HTR1E: variants seen among roughly 807,000 people sequenced by gnomAD.
HTR1E encodes the protein 5-hydroxytryptamine receptor 1E, also known as 5-HT-1E.
A neutral mutation model predicts 3.4 loss-of-function variants in HTR1E; 3 were observed. The ratio of observed to expected loss-of-function variants is 0.89; its 90% CI spans 0.41 to 2.31. The LOEUF (loss-of-function observed/expected upper bound fraction) is 2.31, where lower values mean the gene tolerates loss of function less well. Among genes scored for constraint, HTR1E ranks in the 30% most tolerant of loss-of-function variants. HTR1E has a pLI of 0.05. For synonymous variants in HTR1E, 170 were observed against 182.8 expected (o/e 0.93, Z 0.56); for missense variants, 392 against 467.0 (o/e 0.84, Z 1.48).
rs1184087761 is a variant in HTR1E at position 87,015,268 on chromosome 6, A to G, written c.-67A>G. 5.0e-6 allele frequency: 7 copies of G among 1,393,564 alleles called. No homozygotes were observed. The highest frequency in any genetic ancestry group is 1.4e-5 in the African/African-American group (1 of 69,488). 86.3% of individuals were successfully genotyped at this position (1,393,564 alleles called of 1,614,324 possible). ...TTACAAGTGAGAAACCTTCGAGGCT[A>G]CATAGTTTTCAGCCAAAGGAAAATA... On this transcript the variant is annotated 5_prime_UTR_variant, in exon 2 of 2. Coordinates refer to ENST00000305344, the MANE Select transcript of HTR1E (RefSeq NM_000865.3).
intron 1 of HTR1E, among the ~76,000 whole-genome samples, chr6:86,956,489 C>T (rs1354495237): frequency 6.6e-6 from 1 of 152,146 alleles, no homozygotes; most frequent in Non-Finnish European, 1.5e-5. Flanking sequence ...TTTAAATCCA[C>T]CTATAACTGG....
intron 1 of HTR1E, among the ~76,000 whole-genome samples, chr6:86,964,301 A>T (rs984711554): frequency 8.3e-5 from 9 of 108,254 alleles, no homozygotes; most frequent in Non-Finnish European, 1.7e-4. Context: ...AATTATCCTT[A>T]AAAATCCTAC....
At chr6:87,002,068 A>G (rs1768032201) in intron 1 of HTR1E, among the ~76,000 whole-genome samples, 1 of 152,226 alleles carries the variant, frequency 6.6e-6, no homozygotes. Flanking sequence ...GCAAGAGGAT[A>G]TAACAATTGT....
intron 1 of HTR1E, among the ~76,000 whole-genome samples, chr6:86,940,683 T>G (rs1768533794): frequency 1.3e-5 from 2 of 152,218 alleles, no homozygotes; most frequent in South Asian, 2.1e-4. Flanking sequence ...ATGTTTGTTT[T>G]GATTGCCCAC....
chr6:86,938,202 T>C (rs1343569003), intron 1 of HTR1E, among the ~76,000 whole-genome samples: 1 of 150,856 alleles, frequency 6.6e-6, no homozygotes, highest in Non-Finnish European at 1.5e-5. Flanking sequence ...CACAGGGAGG[T>C]GGTGTGCTCC....
intron 1 of HTR1E, among the ~76,000 whole-genome samples, chr6:87,000,731 G>T (rs1768009740): frequency 2.6e-5 from 4 of 152,206 alleles, no homozygotes; most frequent in Admixed American, 6.5e-5. Flanking sequence ...CACCAGACCT[G>T]TCCTGCAAGA....
intron 1 of HTR1E, among the ~76,000 whole-genome samples, chr6:86,964,329 C>T (rs1167119941): frequency 1.3e-5 from 2 of 152,136 alleles, no homozygotes; most frequent in African/African-American, 4.8e-5. Flanking sequence ...TCATAAAGTA[C>T]TAAGTGCATG....
At chr6:86,981,326 A>T (rs1334751708) in intron 1 of HTR1E, among the ~76,000 whole-genome samples, 2 of 152,238 alleles carry the variant, frequency 1.3e-5, no homozygotes, top group Non-Finnish European at 2.9e-5. Context: ...GCAACAGATG[A>T]CATTAAAATA....
chr6:86,963,976 TG>T (rs1767441185), intron 1 of HTR1E, among the ~76,000 whole-genome samples: 1 of 152,172 alleles, frequency 6.6e-6, no homozygotes, highest in Admixed American at 6.6e-5. Context: ...AAAGCCCCCA[TG>T]GTCTTAGGGG....
At chr6:86,972,281 A>G (rs530381197) in intron 1 of HTR1E, among the ~76,000 whole-genome samples, 1 of 152,148 alleles carries the variant, frequency 6.6e-6, no homozygotes, top group African/African-American at 2.4e-5. Flanking sequence ...TTCTTTATGC[A>G]TTTTTTCATC....
intron 1 of HTR1E, among the ~76,000 whole-genome samples, chr6:86,950,317 A>G (rs1582256878): frequency 6.6e-6 from 1 of 152,192 alleles, no homozygotes; most frequent in East Asian, 1.9e-4. Context: ...TAAAATGCAA[A>G]CTGTTCTTTG....
At chr6:86,943,566 G>A (rs1296190084) in intron 1 of HTR1E, among the ~76,000 whole-genome samples, 1 of 152,156 alleles carries the variant, frequency 6.6e-6, no homozygotes, top group Non-Finnish European at 1.5e-5. Context: ...ATATGCTATT[G>A]TGATTCATTG....
chr6:86,953,683 A>C (rs1767279821), intron 1 of HTR1E, among the ~76,000 whole-genome samples: 1 of 152,194 alleles, frequency 6.6e-6, no homozygotes, highest in Non-Finnish European at 1.5e-5. Context: ...AGGTCAGCCC[A>C]GACTCAAGGA....
At chr6:86,983,358 T>G (rs6914350) in intron 1 of HTR1E, among the ~76,000 whole-genome samples, 20,722 of 152,186 alleles carry the variant, frequency 0.14, 1,725 homozygotes, top group East Asian at 0.27. Context: ...CTGATCAAAA[T>G]TTAAAGATAT....
chr6:86,971,124 T>G (rs752990561), intron 1 of HTR1E: 1 of 509,972 alleles, frequency 2.0e-6, no homozygotes, highest in Non-Finnish European at 3.9e-6. Context: ...GACCACTCAT[T>G]TTGTAGAAGG....
At chr6:86,968,394 C>G (rs1767504293) in intron 1 of HTR1E, among the ~76,000 whole-genome samples, 1 of 152,160 alleles carries the variant, frequency 6.6e-6, no homozygotes, top group South Asian at 2.1e-4. Flanking sequence ...CTGCTAAATT[C>G]CCTCTGGAAA....
chr6:86,959,381 C>T (rs1390312460), intron 1 of HTR1E, among the ~76,000 whole-genome samples: 4 of 152,100 alleles, frequency 2.6e-5, no homozygotes, highest in African/African-American at 9.7e-5. Context: ...GAGTTCGAGA[C>T]CAGCCTGGGC....
chr6:86,999,911 A>G (rs1242571552), intron 1 of HTR1E: 1 of 152,240 alleles, frequency 6.6e-6, no homozygotes, highest in African/African-American at 2.4e-5. Flanking sequence ...CTGCCCATTA[A>G]GCCTTCAATA....
chr6:87,006,785 G>A (rs1189200639), intron 1 of HTR1E, among the ~76,000 whole-genome samples: 2 of 152,156 alleles, frequency 1.3e-5, no homozygotes, highest in Non-Finnish European at 2.9e-5. Context: ...GACATGGATG[G>A]AGCTGGAAGC....
Sources: allele counts gnomAD v4.1 joint callset (sites outside exome capture counted in the v4.1 genomes callset), GRCh38; gene constraint gnomAD v4.1.1; transcripts MANE v1.5; gene names NCBI Gene and HGNC (gene_info 2026-07-23, HGNC 2026-07-21).